The following CNBP variants were observed in gnomAD, a reference collection of about 807,000 sequenced individuals.
The protein encoded by CNBP is cellular nucleic acid-binding protein.
Under a neutral mutation model 21.2 loss-of-function variants are expected in CNBP, and 6 were observed. The ratio of observed to expected loss-of-function variants is 0.28; its 90% CI spans 0.16 to 0.56. CNBP has a LOEUF of 0.56. Among genes scored for constraint, CNBP ranks in the 20% least tolerant of loss-of-function variants. CNBP has a pLI of 0.93. For synonymous variants in CNBP, 61 were observed against 74.9 expected, an observed-to-expected ratio of 0.81 and a Z score of 0.96; for missense variants, 112 against 233.1, an observed-to-expected ratio of 0.48 and a Z score of 3.38.
rs953342693 is a variant in CNBP at position 129,167,848 on chromosome 3, T to A, written c.*2605A>T. ...AAAATAAAATTGTCAAGATATTTAT[T>A]GTGTTAACATGTGAGACATACAATT... On this transcript the variant is annotated 3_prime_UTR_variant, in exon 5 of 5. Transcript: ENST00000422453. 6.6e-6 allele frequency among the ~76,000 whole-genome samples: 1 copy of A among 152,244 alleles called. No individual in the cohort carries two copies. Among genetic ancestry groups the A allele is most frequent in the Non-Finnish European group, 1.5e-5 (1 of 68,042 alleles).
At chr3:129,175,077 A>G (rs748147422) in intron 1 of CNBP, among the ~76,000 whole-genome samples, 3 of 152,060 alleles carry the variant, frequency 2.0e-5, no homozygotes, top group Non-Finnish European at 4.4e-5. Context: ...CACGCCTGTA[A>G]TCTCAGCACT....
Position 129,171,480 on chromosome 3 carries a change from A to C in CNBP, c.183T>G (p.Gly61=). 1 of 1,614,168 alleles carries C rather than the reference A, an allele frequency of 6.2e-7. No individual in the cohort carries two copies. The highest frequency in any genetic ancestry group is 1.3e-5 in the African/African-American group (1 of 75,046). ...PDICYRCGES[G]HLAKDCDLQE... The stretch of plus-strand genomic sequence containing the variant: ...GAAGATCACAATCCTTGGCAAGATG[A>C]CCAGACTCACCACAGCGATAACAAA... The change falls in exon 3 of 5, where the codon GGT becomes GGG. Residue 61 remains glycine (G), a synonymous_variant. Transcript: ENST00000422453.
rs1332853040 is a variant in CNBP, at chr3:129,170,057, T to A, written c.*396A>T. The A allele has an allele frequency of 1.9e-5, 5 of 260,506 alleles. No individual in the cohort carries two copies. The highest frequency in any genetic ancestry group is 3.8e-5 in the Non-Finnish European group (5 of 132,780). The allele number at this position is 260,506 out of a possible 1,614,324, so 16.1% of individuals were successfully genotyped here. On this transcript the variant is annotated 3_prime_UTR_variant, in exon 5 of 5. Coordinates refer to ENST00000422453, the MANE Select transcript of CNBP (RefSeq NM_003418.5). ...ACTGAGGTCAGACAATCCAAGACCA[T>A]CATTATACTAAAATTAAAGTTATTT...
Position 129,167,846 on chromosome 3 carries a change from A to G in CNBP, c.*2607T>C, listed in dbSNP as rs777863307. On this transcript the variant is annotated 3_prime_UTR_variant, in exon 5 of 5. Coordinates refer to ENST00000422453, the MANE Select transcript of CNBP (RefSeq NM_003418.5). ...AGAAAATAAAATTGTCAAGATATTT[A>G]TTGTGTTAACATGTGAGACATACAA... Among the ~76,000 whole-genome samples, 11 of 152,242 alleles carry G rather than the reference A, an allele frequency of 7.2e-5. No individual in the cohort carries two copies. Among genetic ancestry groups the G allele is most frequent in the Non-Finnish European group, 1.2e-4 (8 of 68,034 alleles).
At chr3:129,174,069 A>T (rs557940907) in intron 1 of CNBP, among the ~76,000 whole-genome samples, 97 of 152,318 alleles carry the variant, frequency 6.4e-4, no homozygotes, top group Non-Finnish European at 9.7e-4. Context: ...ACTCTGTGTA[A>T]TCTGATTTAG....
chr3:129,183,660 C>G (rs931927396), intron 1 of CNBP, 116 bp downstream of exon 1: 2 of 152,638 alleles, frequency 1.3e-5, no homozygotes, highest in African/African-American at 4.8e-5. Flanking sequence ...GCAGCAGAGG[C>G]GCAGGCCAAA....
chr3:129,181,239 C>CAAAAAAAAAAAAAAAAAAAAAAAAAAA (rs10587328), intron 1 of CNBP, among the ~76,000 whole-genome samples: 3 of 53,162 alleles, frequency 5.6e-5, no homozygotes, highest in South Asian at 8.8e-4. Context: ...GACTCTGTCT[C>CAAAAAAAAAAAAAAAAAAAAAAAAAAA]AAAAAAAAAA....
rs1209965599 is a variant in CNBP at position 129,183,881 on chromosome 3, A to C, written c.-120T>G. The C allele has an allele frequency of 6.5e-6, 1 of 152,826 alleles. No homozygotes were observed. The allele number at this position is 152,826 out of a possible 1,614,324, so 9.5% of individuals were successfully genotyped here. A position where few individuals can be genotyped will look rare whatever the true frequency, so the allele number is the denominator to read the frequency against. On this transcript the variant is annotated 5_prime_UTR_variant, in exon 1 of 5. Coordinates refer to ENST00000422453, the MANE Select transcript of CNBP (RefSeq NM_003418.5). ...TATTTTGAGGGTCCTTGCCTGCGCC[A>C]CACGCGGGTCTGCACACGGCCCCAC...
chr3:129,174,349 TAAAAAAAAAAAAA>T (rs56752888), intron 1 of CNBP, among the ~76,000 whole-genome samples: 1 of 63,160 alleles, frequency 1.6e-5, no homozygotes. Context: ...GAGTCAGAAT[TAAAAAAAAAAAAA>T]AAAAAAAAAA....
intron 1 of CNBP, among the ~76,000 whole-genome samples, chr3:129,172,596 GCAGGCAGGCAGA>G (rs796990473): frequency 0.011 from 367 of 34,372 alleles, 1 homozygote; most frequent in South Asian, 0.029. Context: ...AGGCAGGCAG[GCAGGCAGGCAGA>G]CAGGCAGACA....
intron 1 of CNBP, among the ~76,000 whole-genome samples, chr3:129,173,219 T>A (rs761654965): frequency 5.3e-5 from 8 of 152,230 alleles, no homozygotes; most frequent in Admixed American, 1.3e-4. Context: ...GCATTTACAT[T>A]GTGTTAGGTA....
chr3:129,181,520 G>T (rs1207756386), intron 1 of CNBP, among the ~76,000 whole-genome samples: 1 of 149,306 alleles, frequency 6.7e-6, no homozygotes, highest in African/African-American at 2.5e-5. Flanking sequence ...GTGTGGCGGC[G>T]GGCGCCTGTA....
At chr3:129,175,651 A>G (rs866050393) in intron 1 of CNBP, among the ~76,000 whole-genome samples, 3 of 152,036 alleles carry the variant, frequency 2.0e-5, no homozygotes, top group South Asian at 2.1e-4. Flanking sequence ...GATGGTCTCG[A>G]TCTCCTGACC....
At chr3:129,177,935 G>A (rs1057379532) in intron 1 of CNBP, among the ~76,000 whole-genome samples, 1 of 152,112 alleles carries the variant, frequency 6.6e-6, no homozygotes, top group African/African-American at 2.4e-5. Context: ...CGAGGCAGAT[G>A]CATCACCTGA....
chr3:129,180,425 C>T (rs1238757975), intron 1 of CNBP, among the ~76,000 whole-genome samples: 1 of 152,204 alleles, frequency 6.6e-6, no homozygotes. Flanking sequence ...TAGTTAACAC[C>T]TCATTTGTAT....
chr3:129,176,340 T>C (rs1937906143), intron 1 of CNBP, among the ~76,000 whole-genome samples: 1 of 152,190 alleles, frequency 6.6e-6, no homozygotes, highest in Non-Finnish European at 1.5e-5. Context: ...TCTCCCAGCC[T>C]GGAACTACCC....
intron 1 of CNBP, among the ~76,000 whole-genome samples, chr3:129,178,910 T>C (rs930666696): frequency 3.3e-5 from 5 of 151,344 alleles, no homozygotes; most frequent in Admixed American, 1.3e-4. Context: ...GCCTGGCTAC[T>C]TTTTTTTTGT....
At chr3:129,173,859 A>G (rs1937699839) in intron 1 of CNBP, among the ~76,000 whole-genome samples, 1 of 152,224 alleles carries the variant, frequency 6.6e-6, no homozygotes. Context: ...TTGAGTGGAT[A>G]ATCGAATTAG....
At chr3:129,178,440 C>T (rs1938069879) in intron 1 of CNBP, among the ~76,000 whole-genome samples, 2 of 152,056 alleles carry the variant, frequency 1.3e-5, no homozygotes, top group African/African-American at 2.4e-5. Flanking sequence ...ATAACTCTGT[C>T]CTAGAAAATA....
Sources: gnomAD v4.1 joint callset for allele counts (sites outside exome capture counted in the v4.1 genomes callset) on GRCh38, gnomAD v4.1.1 for gene constraint, MANE v1.5 for transcripts, NCBI Gene and HGNC (gene_info 2026-07-23, HGNC 2026-07-21) for gene names.